GPHN: variants seen among roughly 807,000 people sequenced by gnomAD.
GPHN encodes gephyrin.
Under a neutral mutation model 95.5 loss-of-function variants are expected in GPHN, and 17 were observed. The observed-to-expected ratio is 0.18, with a 90% confidence interval of 0.12 to 0.27. The LOEUF (loss-of-function observed/expected upper bound fraction) is 0.27. Ranked by LOEUF, GPHN falls within the 10% of genes least tolerant of loss-of-function variation. The pLI is 1.00. For synonymous variants in GPHN, 320 were observed against 322.5 expected (o/e 0.99, Z 0.08); for missense variants, 660 against 978.1 (o/e 0.67, Z 4.34).
chr14:67,621,103 G>A, the GPHN span: 251,151 of 770,038 alleles, frequency 0.33, 50,178 homozygotes, highest in African/African-American at 0.8. Context: ...TTTGGATTCC[G>A]TCTGCGGCTT....
At chr14:67,388,386 A>G in the GPHN span, 2 of 830,566 alleles carry the variant, frequency 2.4e-6, no homozygotes, top group Non-Finnish European at 4.2e-6. Flanking sequence ...CAGGCCAGCT[A>G]AAGAAGTGAG....
intron 5 of GPHN, among the ~76,000 whole-genome samples, chr14:66,905,261 G>C (rs1320301206): frequency 2.0e-5 from 3 of 151,922 alleles, no homozygotes; most frequent in Non-Finnish European, 4.4e-5. Flanking sequence ...CAGTTCCAAG[G>C]TTAATGTTTG....
the GPHN span, chr14:67,580,399 T>C: frequency 1.2e-5 from 2 of 167,028 alleles, no homozygotes; most frequent in African/African-American, 4.8e-5. Context: ...TGGTCTGGGA[T>C]TACTGTCCTG....
chr14:67,364,841 G>A, the GPHN span: 1 of 1,613,998 alleles, frequency 6.2e-7, no homozygotes, highest in Non-Finnish European at 8.5e-7. Flanking sequence ...GTGAATGTCA[G>A]ATCCATTGCT....
At chr14:67,297,918 G>A in the GPHN span, among the ~76,000 whole-genome samples, 2 of 152,176 alleles carry the variant, frequency 1.3e-5, no homozygotes, top group Admixed American at 6.5e-5. Context: ...CAAATGTTCA[G>A]TCTTATGAGT....
the GPHN span, among the ~76,000 whole-genome samples, chr14:67,399,346 G>T: frequency 1.3e-5 from 2 of 150,836 alleles, no homozygotes; most frequent in African/African-American, 4.9e-5. Context: ...ATAAAGAGAA[G>T]GGTAGTTTAG....
the GPHN span, among the ~76,000 whole-genome samples, chr14:67,315,491 T>C: frequency 1.3e-5 from 2 of 152,122 alleles, no homozygotes; most frequent in African/African-American, 4.8e-5. Context: ...TTAGCCAGGA[T>C]GGTCTTGATC....
chr14:67,729,287 C>T, the GPHN span: 1 of 1,604,710 alleles, frequency 6.2e-7, no homozygotes, highest in East Asian at 2.2e-5. Flanking sequence ...CGGCTCTTCT[C>T]CCCCTTTGTC....
At chr14:66,948,868 A>AG (rs1408717453) in intron 8 of GPHN, among the ~76,000 whole-genome samples, 6 of 152,178 alleles carry the variant, frequency 3.9e-5, no homozygotes, top group Admixed American at 2.0e-4. Flanking sequence ...GCAACAGCAC[A>AG]GTCACTGTAT....
At chr14:67,667,739 T>C in the GPHN span, among the ~76,000 whole-genome samples, 1 of 152,072 alleles carries the variant, frequency 6.6e-6, no homozygotes, top group Non-Finnish European at 1.5e-5. Context: ...GGTCAGGAGA[T>C]CGAGACCATC....
chr14:67,685,555 TCAAA>T, the GPHN span, among the ~76,000 whole-genome samples: 1 of 152,100 alleles, frequency 6.6e-6, no homozygotes, highest in African/African-American at 2.4e-5. Flanking sequence ...ACTCCTGGCA[TCAAA>T]CAATCTTCCC....
At chr14:67,123,757 A>G (rs1278540640) in intron 17 of GPHN, among the ~76,000 whole-genome samples, 1 of 152,236 alleles carries the variant, frequency 6.6e-6, no homozygotes, top group Non-Finnish European at 1.5e-5. Context: ...CTTTGAATGT[A>G]GCCCAACACA....
chr14:67,131,195 G>A (rs879845601), intron 17 of GPHN, among the ~76,000 whole-genome samples: 5 of 151,574 alleles, frequency 3.3e-5, no homozygotes, highest in Non-Finnish European at 5.9e-5. Flanking sequence ...ATTTTTCTCT[G>A]TTACTGCTTT....
intron 1 of GPHN, among the ~76,000 whole-genome samples, chr14:66,560,142 G>T (rs542113009): frequency 1.3e-3 from 205 of 152,162 alleles, no homozygotes; most frequent in African/African-American, 3.3e-3. Context: ...GGTTACTGTA[G>T]CCTTGTAGTA....
rs547378865 is a variant in GPHN, at chr14:66,706,776, C to T, written c.143+25591C>T. ...GGGCAAAGACTTCTTGACAAAAATG[C>T]CAAAAGCAATTGCAACAAAACCCAA... is the stretch of plus-strand genomic sequence containing the variant. On this transcript the variant is annotated intron_variant, in intron 2 of 22. Transcript: ENST00000478722. 3.9e-5 allele frequency among the ~76,000 whole-genome samples: 6 copies of T among 152,178 alleles called. No homozygotes were observed. The East Asian group carries it at 1.2e-3, about 29-fold the overall frequency.
At chr14:66,756,457 C>T (rs1232560645) in intron 2 of GPHN, among the ~76,000 whole-genome samples, 1 of 152,080 alleles carries the variant, frequency 6.6e-6, no homozygotes, top group Non-Finnish European at 1.5e-5. Context: ...GGAGGGCCAA[C>T]AGAACTCGAG....
chr14:67,577,514 AG>A, the GPHN span: 1 of 754,932 alleles, frequency 1.3e-6, no homozygotes, highest in East Asian at 2.7e-5. Flanking sequence ...GGATCTGGAG[AG>A]GAAGGGAAGG....
chr14:67,548,623 G>C, the GPHN span, among the ~76,000 whole-genome samples: 41 of 152,212 alleles, frequency 2.7e-4, no homozygotes, highest in African/African-American at 9.4e-4. Flanking sequence ...CTTGAAACCG[G>C]GAGGCAGAGG....
intron 2 of GPHN, among the ~76,000 whole-genome samples, chr14:66,750,492 T>C (rs1040517709): frequency 1.3e-5 from 2 of 151,834 alleles, no homozygotes; most frequent in Non-Finnish European, 2.9e-5. Flanking sequence ...CAAAAAGATG[T>C]AGAGAGGAAA....
Sources: gnomAD v4.1 joint callset for allele counts (sites outside exome capture counted in the v4.1 genomes callset) on GRCh38, gnomAD v4.1.1 for gene constraint, MANE v1.5 for transcripts, NCBI Gene and HGNC (gene_info 2026-07-23, HGNC 2026-07-21) for gene names.